Variants in CCNB3 observed in about 807,000 individuals in gnomAD.
CCNB3 encodes cyclin B3.
Under a neutral mutation model 68.0 loss-of-function variants are expected in CCNB3, and 12 were observed. That is an observed-to-expected ratio of 0.18 (90% CI 0.11 to 0.29). The LOEUF (loss-of-function observed/expected upper bound fraction) is 0.29, where lower values mean the gene tolerates loss of function less well. Ranked by LOEUF, CCNB3 falls within the 10% of genes least tolerant of loss-of-function variation. The pLI, the probability that CCNB3 is intolerant of heterozygous loss-of-function variation, is 1.00. For synonymous variants in CCNB3, 354 were observed against 388.9 expected (o/e 0.91, Z 1.06); for missense variants, 904 against 993.1 (o/e 0.91, Z 1.21).
At chrX:50,341,316 C>T (rs1557219548) in intron 8 of CCNB3, among the ~76,000 whole-genome samples, 1 of 98,516 alleles carries the variant, frequency 1.0e-5, no homozygotes, top group Non-Finnish European at 2.0e-5. Context: ...GGAGACAGAG[C>T]GAAACTCCGT....
chrX:50,329,757 C>G (rs1557217805), intron 8 of CCNB3, among the ~76,000 whole-genome samples: 1 of 112,312 alleles, frequency 8.9e-6, no homozygotes. Flanking sequence ...TCCCTGAAAA[C>G]AGTATTTTCT....
intron 1 of CCNB3, among the ~76,000 whole-genome samples, chrX:50,223,711 G>A (rs1300137738): frequency 8.9e-5 from 10 of 112,594 alleles, no homozygotes; most frequent in African/African-American, 3.2e-4. Flanking sequence ...AACCCCTGCT[G>A]GGAGGTGTCT....
intron 8 of CCNB3, among the ~76,000 whole-genome samples, chrX:50,331,229 T>C (rs1326756945): frequency 1.8e-5 from 2 of 111,591 alleles, no homozygotes; most frequent in African/African-American, 6.5e-5. Flanking sequence ...CACAACTACC[T>C]GCCCACTGGT....
chrX:50,226,132 TATAA>T (rs1432300797), intron 1 of CCNB3, among the ~76,000 whole-genome samples: 1 of 77,364 alleles, frequency 1.3e-5, no homozygotes, highest in African/African-American at 4.9e-5. Flanking sequence ...ATTCGATATA[TATAA>T]ATATATATTC....
intron 5 of CCNB3, among the ~76,000 whole-genome samples, chrX:50,306,132 C>T (rs987890642): frequency 3.6e-5 from 4 of 109,908 alleles, no homozygotes; most frequent in African/African-American, 1.3e-4. Flanking sequence ...ATATGGATGT[C>T]TATCTATTTA....
intron 1 of CCNB3, among the ~76,000 whole-genome samples, chrX:50,215,507 C>A (rs1935558037): frequency 9.6e-6 from 1 of 104,554 alleles, no homozygotes; most frequent in African/African-American, 3.5e-5. Context: ...CAATTAGATT[C>A]TGTTTGTTGC....
At chrX:50,341,149 G>A (rs1369862279) in intron 8 of CCNB3, among the ~76,000 whole-genome samples, 2 of 109,428 alleles carry the variant, frequency 1.8e-5, no homozygotes, top group African/African-American at 6.7e-5. Context: ...TTAACACGAT[G>A]AAACCCCCGT....
chrX:50,328,536 C>A (rs782608809), intron 8 of CCNB3, among the ~76,000 whole-genome samples: 2 of 111,517 alleles, frequency 1.8e-5, no homozygotes, highest in Non-Finnish European at 3.8e-5. Flanking sequence ...TCCTCATGAC[C>A]CAAACACCTC....
rs140924618 is a variant in CCNB3 at position 50,342,795 on chromosome X, C to T, written c.3654+456C>T. Reference sequence around the variant, plus strand: ...GATCATAGCTCACCATAACCTCAAACTCCTGGGCTCAAGCAATCTTCCCAC... The same window carrying T: ...GATCATAGCTCACCATAACCTCAAATTCCTGGGCTCAAGCAATCTTCCCAC... On this transcript the variant is annotated intron_variant, in intron 9 of 12. Transcript: ENST00000376042. Among the ~76,000 whole-genome samples the T allele has an allele frequency of 2.1e-3, 230 of 111,377 alleles. 1 individual carries two copies. Among genetic ancestry groups the T allele is most frequent in the African/African-American group, 7.4e-3 (227 of 30,627 alleles).
chrX:50,310,083 A>T lies in CCNB3; in HGVS notation c.1914A>T (p.Glu638Asp). 1 of 1,210,922 alleles carries T rather than the reference A, an allele frequency of 8.3e-7. No individual in the cohort carries two copies. Among genetic ancestry groups the T allele is most frequent in the South Asian group, 1.8e-5 (1 of 56,769 alleles). The change falls in exon 6 of 13, where the codon GAA becomes GAT. Residue 638 changes from glutamate (E) to aspartate (D), a missense_variant. Physicochemically the swap from Glu to Asp is conservative, Grantham distance 45. This residue lies in a region of CCNB3 where 619 missense variants were observed against 609.8 expected (regional missense o/e 1.02). Coordinates refer to ENST00000376042, the MANE Select transcript of CCNB3 (RefSeq NM_033031.3). Reference protein sequence around the residue: ...STTEEKFLSQEPSALKEKHTT... With the variant: ...STTEEKFLSQDPSALKEKHTT... ...CGGAAGAAAAGTTCCTCTCCCAGGA[A>T]CCATCTGCATTGAAAGAGAAGCATA...
intron 1 of CCNB3, among the ~76,000 whole-genome samples, chrX:50,216,459 A>G (rs1341103816): frequency 4.6e-5 from 5 of 108,690 alleles, no homozygotes; most frequent in Non-Finnish European, 7.6e-5. Context: ...TAGTAGAGAC[A>G]GGGTTTCACC....
chrX:50,226,058 G>C (rs1409012710), intron 1 of CCNB3, among the ~76,000 whole-genome samples: 4 of 85,137 alleles, frequency 4.7e-5, no homozygotes, highest in African/African-American at 1.7e-4. Flanking sequence ...AATATATATA[G>C]AATATATACG....
At chrX:50,224,913 G>A (rs993511927) in intron 1 of CCNB3, among the ~76,000 whole-genome samples, 1 of 111,490 alleles carries the variant, frequency 9.0e-6, no homozygotes, top group African/African-American at 3.3e-5. Flanking sequence ...ATCCTCATCT[G>A]CAAATGGGGA....
chrX:50,225,627 T>C (rs1432224625), intron 1 of CCNB3, among the ~76,000 whole-genome samples: 3 of 110,238 alleles, frequency 2.7e-5, no homozygotes, highest in Non-Finnish European at 5.7e-5. Flanking sequence ...TGGAGATACA[T>C]TGACAAATAC....
intron 5 of CCNB3, among the ~76,000 whole-genome samples, chrX:50,300,902 C>T (rs1557212426): frequency 8.9e-6 from 1 of 111,838 alleles, no homozygotes; most frequent in Non-Finnish European, 1.9e-5. Context: ...GTTGCTGATA[C>T]CCTTTCTTCC....
intron 1 of CCNB3, among the ~76,000 whole-genome samples, chrX:50,218,454 C>T (rs1935615722): frequency 9.0e-6 from 1 of 110,927 alleles, no homozygotes; most frequent in East Asian, 2.9e-4. Flanking sequence ...CTGACTGGCC[C>T]GGGTGTGTGA....
At chrX:50,212,459 A>G (rs1302097641) in intron 1 of CCNB3, among the ~76,000 whole-genome samples, 2 of 112,019 alleles carry the variant, frequency 1.8e-5, no homozygotes, top group African/African-American at 6.5e-5. Context: ...GTTTTTAGGA[A>G]TTGATATACT....
chrX:50,215,162 T>C (rs2146980158), intron 1 of CCNB3, among the ~76,000 whole-genome samples: 1 of 109,754 alleles, frequency 9.1e-6, no homozygotes, highest in Non-Finnish European at 1.9e-5. Flanking sequence ...GCTAATTTTT[T>C]GTATTTTTAG....
At chrX:50,213,108 G>A in intron 1 of CCNB3, among the ~76,000 whole-genome samples, 1 of 93,093 alleles carries the variant, frequency 1.1e-5, no homozygotes, top group Non-Finnish European at 2.4e-5. Context: ...TATTCTTAGG[G>A]CTGATATGTT....
Sources: allele counts gnomAD v4.1 joint callset (sites outside exome capture counted in the v4.1 genomes callset), GRCh38; gene constraint gnomAD v4.1.1; regional missense constraint gnomAD v4.1.1; transcripts MANE v1.5; gene names NCBI Gene and HGNC (gene_info 2026-07-23, HGNC 2026-07-21).